The following FLNB variants were observed in gnomAD, a reference collection of about 807,000 sequenced individuals.
The protein encoded by FLNB is filamin-B.
A neutral mutation model predicts 250.6 loss-of-function variants in FLNB; 111 were observed. That is an observed-to-expected ratio of 0.44 (90% CI 0.38 to 0.52). The LOEUF is 0.52. FLNB is among the 20% of genes least tolerant of loss of function. The pLI, the probability that FLNB is intolerant of heterozygous loss-of-function variation, is 0.00. For missense variants in FLNB, 2,869 were observed against 3,447.8 expected, an observed-to-expected ratio of 0.83 and a Z score of 4.20; for synonymous variants, 1,302 against 1,372.1, an observed-to-expected ratio of 0.95 and a Z score of 1.13.
intron 28 of FLNB, among the ~76,000 whole-genome samples, chr3:58,137,628 T>G (rs1412608297): frequency 6.6e-6 from 1 of 152,240 alleles, no homozygotes; most frequent in African/African-American, 2.4e-5. Context: ...TCCTGATATG[T>G]GGATCCTGTG....
At chr3:58,105,997 A>C (rs1008875692) in intron 11 of FLNB, among the ~76,000 whole-genome samples, 2 of 152,184 alleles carry the variant, frequency 1.3e-5, no homozygotes, top group African/African-American at 4.8e-5. Context: ...TTTTTTCTCT[A>C]TATATGCATG....
At chr3:58,125,765 G>T (rs764690732) in intron 23 of FLNB, 22 bp downstream of exon 23, 1 of 1,612,784 alleles carries the variant, frequency 6.2e-7, no homozygotes, top group South Asian at 1.1e-5. Context: ...CCTACATTTG[G>T]TGTCTTGAGT....
At position 58,073,000 on chromosome 3, in the gene FLNB, A is replaced by G. The variant is rs933078050; in HGVS notation, c.293-4046A>G. 2.6e-5 allele frequency among the ~76,000 whole-genome samples: 4 copies of G among 152,188 alleles called. No homozygotes were observed. In the South Asian group the frequency reaches 8.3e-4, roughly 32 times the overall value. On this transcript the variant is annotated intron_variant, in intron 1 of 45. Coordinates refer to ENST00000295956, the MANE Select transcript of FLNB (RefSeq NM_001457.4). ...ATCTGCAAGTCTGCTTTTGAAAAGCATTTAACATATAACTTGGGAAAGTTT... is the reference window on the plus strand; with the variant it reads ...ATCTGCAAGTCTGCTTTTGAAAAGCGTTTAACATATAACTTGGGAAAGTTT...
chr3:58,081,511 G>T (rs2097209213), intron 3 of FLNB, 118 bp from the exon 4 acceptor site: 1 of 963,618 alleles, frequency 1.0e-6, no homozygotes, highest in Non-Finnish European at 1.7e-6. Context: ...TCACTTAATT[G>T]AGAAGCTGAC....
intron 43 of FLNB, chr3:58,165,729 G>A (rs1488854485): frequency 1.3e-5 from 2 of 152,156 alleles, no homozygotes; most frequent in Non-Finnish European, 2.9e-5. Flanking sequence ...ATTCTTTGGA[G>A]CCGCTGAGCA....
chr3:58,133,062 TCCATCCATCCAC>T (rs2097310274), intron 26 of FLNB, 131 bp downstream of exon 26: 4 of 1,021,816 alleles, frequency 3.9e-6, no homozygotes, highest in Non-Finnish European at 5.8e-6. Context: ...CCTCCATCAG[TCCATCCATCCAC>T]CCATCCATTC....
Position 58,008,846 on chromosome 3 carries a change from C to T in FLNB, c.282C>T (p.Leu94=), listed in dbSNP as rs745493076. The change falls in exon 1 of 46, where the codon CTC becomes CTT. Residue 94 remains leucine (L), a synonymous_variant. Coordinates refer to ENST00000295956, the MANE Select transcript of FLNB (RefSeq NM_001457.4). ...TCCTGGACCGTGAGAGCATCAAGCT[C>T]GTGTCCATCGGTGAGTTCTCTGGCC... ...LEFLDRESIK[L]VSIDSKAIVD... is the part of the protein sequence containing the mutation. The T allele has an allele frequency of 2.1e-5, 34 of 1,613,574 alleles. No individual in the cohort carries two copies. Among genetic ancestry groups the T allele is most frequent in the Middle Eastern group, 1.6e-4 (1 of 6,082 alleles).
Position 58,138,427 on chromosome 3 carries a change from T to C in FLNB, c.5007T>C (p.Asp1669=), listed in dbSNP as rs2097320323. ...EAEADVIENE[D]GTYDIFYTAA... Reference sequence around the variant, plus strand: ...AGGCCGATGTCATTGAGAATGAAGATGGAACCTATGACATCTTCTACACAG... The same window carrying C: ...AGGCCGATGTCATTGAGAATGAAGACGGAACCTATGACATCTTCTACACAG... The change falls in exon 29 of 46, where the codon GAT becomes GAC. Residue 1669 remains aspartate (D), a synonymous_variant. Coordinates refer to ENST00000295956, the MANE Select transcript of FLNB (RefSeq NM_001457.4). The C allele has an allele frequency of 2.5e-6, 4 of 1,614,108 alleles. No homozygotes were observed. Among genetic ancestry groups the C allele is most frequent in the Non-Finnish European group, 3.4e-6 (4 of 1,180,056 alleles).
intron 34 of FLNB, 90 bp from the exon 35 acceptor site, chr3:58,148,116 G>T (rs1283982412): frequency 1.5e-6 from 2 of 1,331,276 alleles, no homozygotes; most frequent in East Asian, 4.6e-5. Flanking sequence ...GTTCTTGCGT[G>T]TTCATCCGTG....
rs2097288365 is a variant in FLNB, at chr3:58,121,286, G to A, written c.2909G>A (p.Gly970Glu). The A allele has an allele frequency of 3.7e-6, 6 of 1,614,150 alleles. 1 individual carries two copies. In the East Asian group the frequency reaches 1.3e-4, roughly 36 times the overall value. Residue 970 changes from glycine (G) to glutamate (E), a missense_variant, in exon 20 of 46, where the codon GGG (glycine) becomes GAG (glutamate). Gly to Glu is a moderately conservative substitution (Grantham distance 98). Around this residue, in one of 5 missense-constraint regions of FLNB, gnomAD observed 1,348 missense variants for 1,466.7 expected, o/e 0.92. Coordinates refer to ENST00000295956, the MANE Select transcript of FLNB (RefSeq NM_001457.4). ...CAGGAGTTCACCGTTGATACCAGGG[G>A]GGCAGGAGGCCAGGGGAAGCTGGAC... Reference protein sequence around the residue: ...KDQEFTVDTRGAGGQGKLDVT... With the variant: ...KDQEFTVDTREAGGQGKLDVT...
intron 1 of FLNB, among the ~76,000 whole-genome samples, chr3:58,022,321 T>A (rs1218153464): frequency 2.0e-5 from 3 of 152,210 alleles, no homozygotes; most frequent in Non-Finnish European, 4.4e-5. Context: ...CTTTGCTGCC[T>A]TTAGTGAAGT....
chr3:58,067,715 G>A (rs1157158273), intron 1 of FLNB, among the ~76,000 whole-genome samples: 4 of 151,422 alleles, frequency 2.6e-5, no homozygotes, highest in Admixed American at 2.6e-4. Context: ...TCCTGCCTCA[G>A]CCTCCTGAGT....
chr3:58,129,806 CT>C (rs1280147457), intron 24 of FLNB, among the ~76,000 whole-genome samples: 5 of 152,212 alleles, frequency 3.3e-5, no homozygotes, highest in Admixed American at 3.3e-4. Flanking sequence ...CACGTAGCCC[CT>C]TGGTGATGGG....
At chr3:58,131,887 T>G in intron 25 of FLNB, 1 of 1,343,108 alleles carries the variant, frequency 7.4e-7, no homozygotes, top group Non-Finnish European at 1.0e-6. Context: ...TATCTGCCTC[T>G]ATTATGAAGG....
chr3:58,105,811 GGGCCAGATGT>G (rs1324327740), intron 11 of FLNB, among the ~76,000 whole-genome samples: 23 of 152,222 alleles, frequency 1.5e-4, no homozygotes, highest in African/African-American at 5.1e-4. Flanking sequence ...AGTAAGCAAT[GGGCCAGATGT>G]GGCCTTCAGA....
chr3:58,134,697 G>A lies in FLNB; in HGVS notation c.4596G>A (p.Val1532=). The A allele has an allele frequency of 6.2e-7, 1 of 1,614,170 alleles. No homozygotes were observed. The highest frequency in any genetic ancestry group is 1.3e-5 in the African/African-American group (1 of 75,052). ...ASGPGLSSYG[V]PASLPVDFAI... ...GCCCCGGCCTTAGTTCCTATGGTGT[G>A]CCTGCCAGTCTACCTGTGGACTTTG... The change falls in exon 27 of 46, where the codon GTG becomes GTA. Residue 1532 remains valine, a synonymous_variant. Transcript: ENST00000295956.
intron 24 of FLNB, among the ~76,000 whole-genome samples, chr3:58,129,859 G>T (rs573972058): frequency 3.1e-4 from 47 of 152,314 alleles, no homozygotes; most frequent in African/African-American, 1.1e-3. Flanking sequence ...GGATGGGGAG[G>T]TCCCCCTCCA....
rs2097383068 is a variant in FLNB, at chr3:58,171,941, C to G, written c.*1179C>G. Reference sequence around the variant, plus strand: ...GAATTTTGCCTGCCTTCCTGCAGACCTGAGCTGGCTTTGGAATGAGGTTAA... The same window carrying G: ...GAATTTTGCCTGCCTTCCTGCAGACGTGAGCTGGCTTTGGAATGAGGTTAA... On this transcript the variant is annotated 3_prime_UTR_variant, in exon 46 of 46. Coordinates refer to ENST00000295956, the MANE Select transcript of FLNB (RefSeq NM_001457.4). The surrounding 1 kb of genome is among the most constrained non-coding windows in gnomAD (Gnocchi z 5.5). The G allele has an allele frequency of 6.6e-6, 1 of 152,050 alleles. No individual in the cohort carries two copies. The highest frequency in any genetic ancestry group is 6.6e-5 in the Admixed American group (1 of 15,262). The allele number at this position is 152,050 out of a possible 1,614,324, so 9.4% of individuals were successfully genotyped here. A position where few individuals can be genotyped will look rare whatever the true frequency, so the allele number is the denominator to read the frequency against.
At chr3:58,094,521 G>A (rs1025791597) in intron 4 of FLNB, among the ~76,000 whole-genome samples, 2 of 152,136 alleles carry the variant, frequency 1.3e-5, no homozygotes, top group Non-Finnish European at 2.9e-5. Context: ...AATAAGCTTC[G>A]CTCCTCCCTG....
Sources: allele counts gnomAD v4.1 joint callset (sites outside exome capture counted in the v4.1 genomes callset), GRCh38; gene constraint gnomAD v4.1.1; regional missense constraint gnomAD v4.1.1; non-coding constraint Gnocchi (gnomAD v3.1); transcripts MANE v1.5; gene names NCBI Gene and HGNC (gene_info 2026-07-23, HGNC 2026-07-21).